The following ATP5F1C variants were observed in gnomAD, a reference collection of about 807,000 sequenced individuals.
ATP5F1C encodes ATP synthase F1 subunit gamma.
A neutral mutation model predicts 37.4 loss-of-function variants in ATP5F1C; 22 were observed. The observed-to-expected ratio is 0.59, with a 90% CI of 0.42 to 0.84. The LOEUF (loss-of-function observed/expected upper bound fraction) is 0.84, where lower values mean the gene tolerates loss of function less well. Ranked by LOEUF, ATP5F1C falls within the 40% of genes least tolerant of loss-of-function variation. ATP5F1C has a pLI of 0.00. For missense variants in ATP5F1C, 286 were observed against 362.4 expected (o/e 0.79, Z 1.71); for synonymous variants, 121 against 128.0 (o/e 0.95, Z 0.37).
Position 7,802,371 on chromosome 10 carries a change from A to G in ATP5F1C, c.739A>G (p.Thr247Ala). 6.2e-7 allele frequency: 1 copy of G among 1,614,148 alleles called. No homozygotes were observed. The highest frequency in any genetic ancestry group is 2.2e-5 in the East Asian group (1 of 44,884). Residue 247 changes from threonine (T) to alanine (A), a missense_variant, in exon 7 of 10, where the codon ACT becomes GCT. By Grantham distance (58) the Thr-to-Ala change is moderately conservative. Transcript: ENST00000356708. ...IIYYSLKESTTSEQSARMTAM... is the reference protein window; with the variant it reads ...IIYYSLKESTASEQSARMTAM... The stretch of plus-strand genomic sequence containing the variant: ...CTACTACTCTCTGAAGGAGTCCACC[A>G]CTAGTGAGCAGAGTGCCAGGATGAC...
At position 7,802,740 on chromosome 10, in the gene ATP5F1C, T is replaced by A. The variant is rs889271291; in HGVS notation, c.794-18T>A. Reference sequence around the variant, plus strand: ...CTAGTTTCAGATTTTTTATGTAGTGTTTTTGTTTTGTTTGTAGCTGAGATG... The same window carrying A: ...CTAGTTTCAGATTTTTTATGTAGTGATTTTGTTTTGTTTGTAGCTGAGATG... On this transcript the variant is annotated intron_variant, in intron 7 of 9. Coordinates refer to ENST00000356708, the MANE Select transcript of ATP5F1C (RefSeq NM_001001973.3). 5.0e-6 allele frequency: 8 copies of A among 1,607,058 alleles called. No homozygotes were observed. In the South Asian group the frequency reaches 8.9e-5, roughly 18 times the overall value.
chr10:7,789,742 T>C (rs1156315924), intron 1 of ATP5F1C, among the ~76,000 whole-genome samples: 1 of 152,242 alleles, frequency 6.6e-6, no homozygotes, highest in Non-Finnish European at 1.5e-5. Context: ...TTTACAACCT[T>C]AGTTTCTAAG....
intron 1 of ATP5F1C, among the ~76,000 whole-genome samples, chr10:7,792,982 C>T (rs879595403): frequency 6.6e-6 from 1 of 152,230 alleles, no homozygotes; most frequent in African/African-American, 2.4e-5. Context: ...TCCTCATCAT[C>T]ATTTGCTGGT....
chr10:7,793,071 G>T (rs1268600916), intron 1 of ATP5F1C, among the ~76,000 whole-genome samples: 2 of 152,104 alleles, frequency 1.3e-5, no homozygotes, highest in Non-Finnish European at 2.9e-5. Flanking sequence ...CTAATGACAT[G>T]ATACTGAGCA....
At chr10:7,807,626 G>C (rs377177197) in intron 9 of ATP5F1C, 33 bp from the exon 10 acceptor site, 3 of 1,596,012 alleles carry the variant, frequency 1.9e-6, no homozygotes, top group Non-Finnish European at 2.6e-6. Flanking sequence ...AATGCTGTTT[G>C]ATTTCTTACT....
Position 7,799,098 on chromosome 10 carries a change from C to T in ATP5F1C, c.332C>T (p.Ala111Val). Residue 111 changes from alanine (A) to valine (V), a missense_variant, in exon 4 of 10, where the codon GCT (alanine) becomes GTT (valine). By Grantham distance (64) the Ala-to-Val change is moderately conservative. Coordinates refer to ENST00000356708, the MANE Select transcript of ATP5F1C (RefSeq NM_001001973.3). ...TGTGGTGCTATTCATTCCTCCATTG[C>T]TAAACAGATGAAAAGCGAGGTTGCT... Reference protein sequence around the residue: ...GLCGAIHSSIAKQMKSEVATL... With the variant: ...GLCGAIHSSIVKQMKSEVATL... 2 of 1,613,812 alleles carry T rather than the reference C, an allele frequency of 1.2e-6. No individual in the cohort carries two copies. Among genetic ancestry groups the T allele is most frequent in the Non-Finnish European group, 1.7e-6 (2 of 1,179,918 alleles).
chr10:7,796,959 C>G, intron 2 of ATP5F1C, 88 bp from the exon 3 acceptor site: 1 of 1,414,216 alleles, frequency 7.1e-7, no homozygotes, highest in Non-Finnish European at 9.7e-7. Context: ...CATTATTCTG[C>G]CTTGCACTTC....
intron 1 of ATP5F1C, among the ~76,000 whole-genome samples, chr10:7,790,712 C>A (rs1836149235): frequency 6.6e-6 from 1 of 152,212 alleles, no homozygotes; most frequent in Non-Finnish European, 1.5e-5. Flanking sequence ...TGAAGGGCTG[C>A]ATTCAGACGG....
At chr10:7,802,568 G>A in intron 7 of ATP5F1C, 143 bp downstream of exon 7, 1 of 1,156,486 alleles carries the variant, frequency 8.6e-7, no homozygotes, top group Non-Finnish European at 1.2e-6. Flanking sequence ...ATCTTGATAG[G>A]TAGTTGATTT....
At chr10:7,799,396 T>C (rs1420456700) in intron 4 of ATP5F1C, 7 of 582,270 alleles carry the variant, frequency 1.2e-5, no homozygotes, top group African/African-American at 1.9e-5. Flanking sequence ...TTCCTTCCCC[T>C]GTTTTCTACC....
At chr10:7,796,804 T>C (rs1321389560) in intron 2 of ATP5F1C, 1 of 289,222 alleles carries the variant, frequency 3.5e-6, no homozygotes. Context: ...CAAGATGGTC[T>C]TGATCTCCTG....
At chr10:7,799,999 G>A in intron 5 of ATP5F1C, 28 bp from the exon 6 acceptor site, 1 of 1,608,632 alleles carries the variant, frequency 6.2e-7, no homozygotes. Context: ...ATTATTTTGA[G>A]ATTTACATTT....
chr10:7,793,079 G>A (rs1836187194), intron 1 of ATP5F1C, among the ~76,000 whole-genome samples: 1 of 152,104 alleles, frequency 6.6e-6, no homozygotes, highest in Non-Finnish European at 1.5e-5. Flanking sequence ...ATGATACTGA[G>A]CATCATCTTA....
intron 1 of ATP5F1C, among the ~76,000 whole-genome samples, chr10:7,794,307 C>A (rs1189425925): frequency 6.6e-6 from 1 of 152,156 alleles, no homozygotes; most frequent in Non-Finnish European, 1.5e-5. Context: ...ATAATCATGT[C>A]ATCTATGAAC....
rs1564328730 is a variant in ATP5F1C, at chr10:7,788,191, G to T, written c.-17G>T. The T allele has an allele frequency of 1.2e-6, 2 of 1,612,878 alleles. No homozygotes were observed. Among genetic ancestry groups the T allele is most frequent in the African/African-American group, 1.3e-5 (1 of 75,064 alleles). ...CTGAGGCCTGCCTGACCGACCTTCA[G>T]CAGGGCTGTGGCTACCATGTTCTCT... On this transcript the variant is annotated 5_prime_UTR_variant, in exon 1 of 10. Coordinates refer to ENST00000356708, the MANE Select transcript of ATP5F1C (RefSeq NM_001001973.3).
intron 4 of ATP5F1C, 71 bp downstream of exon 4, chr10:7,799,265 A>T (rs1263640211): frequency 1.4e-6 from 2 of 1,433,912 alleles, no homozygotes; most frequent in African/African-American, 1.4e-5. Flanking sequence ...AAAAGTTTTG[A>T]CAAACTCTCA....
chr10:7,802,367 C>T lies in ATP5F1C; in HGVS notation c.735C>T (p.Ser245=), dbSNP rs199995607. 1.2e-6 allele frequency: 2 copies of T among 1,614,036 alleles called. No individual in the cohort carries two copies. The highest frequency in any genetic ancestry group is 1.7e-6 in the Non-Finnish European group (2 of 1,180,004). ...ANIIYYSLKE[S]TTSEQSARMT... ...TCATCTACTACTCTCTGAAGGAGTC[C>T]ACCACTAGTGAGCAGAGTGCCAGGA... The change falls in exon 7 of 10, where the codon TCC becomes TCT. Residue 245 remains serine (S), a synonymous_variant. Coordinates refer to ENST00000356708, the MANE Select transcript of ATP5F1C (RefSeq NM_001001973.3).
intron 8 of ATP5F1C, 34 bp downstream of exon 8, chr10:7,802,888 T>A: frequency 2.5e-6 from 4 of 1,586,468 alleles, no homozygotes; most frequent in Non-Finnish European, 3.4e-6. Flanking sequence ...TTCAGAGAAT[T>A]TTTTTTCCTC....
chr10:7,799,045 T>A lies in ATP5F1C; in HGVS notation c.279T>A (p.Leu93=). 6.2e-7 allele frequency: 1 copy of A among 1,612,742 alleles called. No homozygotes were observed. Among genetic ancestry groups the A allele is most frequent in the Non-Finnish European group, 8.5e-7 (1 of 1,179,856 alleles). Residue 93 remains leucine (L), a synonymous_variant, in exon 4 of 10, where the codon CTT becomes CTA. Coordinates refer to ENST00000356708, the MANE Select transcript of ATP5F1C (RefSeq NM_001001973.3). The part of the protein sequence containing the change: ...KGPEDKKKHL[L]IGVSSDRGLC... ...CTGAAGACAAGAAGAAACACCTCCT[T>A]ATTGGTGTGTCCTCAGATCGAGGAC...
Sources: gnomAD v4.1 joint callset for allele counts (sites outside exome capture counted in the v4.1 genomes callset) on GRCh38, gnomAD v4.1.1 for gene constraint, MANE v1.5 for transcripts, NCBI Gene and HGNC (gene_info 2026-07-23, HGNC 2026-07-21) for gene names.